The following ITGAV variants were observed in gnomAD, a reference collection of about 807,000 sequenced individuals.
ITGAV encodes the protein integrin alpha-V.
A neutral mutation model predicts 143.8 loss-of-function variants in ITGAV; 76 were observed. The observed-to-expected ratio is 0.53, with a 90% CI of 0.44 to 0.64. ITGAV has a LOEUF of 0.64. Among genes scored for constraint, ITGAV ranks in the 30% least tolerant of loss-of-function variants. The probability of loss-of-function intolerance (pLI) is 0.00; values close to 1 mark genes in which losing one functional copy is unlikely to be tolerated. For synonymous variants in ITGAV, 453 were observed against 446.7 expected (o/e 1.01, Z -0.18); for missense variants, 1,193 against 1,274.7 (o/e 0.94, Z 0.98).
chr2:186,639,852 A>AC (rs1034552236), intron 10 of ITGAV, among the ~76,000 whole-genome samples: 10 of 152,162 alleles, frequency 6.6e-5, no homozygotes, highest in African/African-American at 2.4e-4. Context: ...CAAGCCAAAC[A>AC]CCATAGGTGA....
Position 186,622,419 on chromosome 2 carries a change from G to T in ITGAV, c.397G>T (p.Asp133Tyr), listed in dbSNP as rs763354872. 1 of 1,611,512 alleles carries T rather than the reference G, an allele frequency of 6.2e-7. No homozygotes were observed. The highest frequency in any genetic ancestry group is 8.5e-7 in the Non-Finnish European group (1 of 1,177,688). Residue 133 changes from aspartate to tyrosine, a missense_variant, in exon 3 of 30, where the codon GAT (aspartate) becomes TAT (tyrosine). Coordinates refer to ENST00000261023, the MANE Select transcript of ITGAV (RefSeq NM_002210.5). ...TGGAGCATCTGTGAGGTCGAAACAG[G>T]ATAAAATTTTGGTGAGTCTTCTGGA... ...WFGASVRSKQ[D>Y]KILACAPLYH...
At chr2:186,637,592 C>T (rs1306176446) in intron 8 of ITGAV, among the ~76,000 whole-genome samples, 1 of 151,944 alleles carries the variant, frequency 6.6e-6, no homozygotes, top group Non-Finnish European at 1.5e-5. Context: ...GGTGAGAGTC[C>T]AGGCTAGGTC....
At chr2:186,611,978 A>G (rs1467175721) in intron 2 of ITGAV, among the ~76,000 whole-genome samples, 2 of 152,208 alleles carry the variant, frequency 1.3e-5, no homozygotes, top group African/African-American at 2.4e-5. Context: ...TTTTGCCATT[A>G]CTTTCAATGC....
intron 10 of ITGAV, 51 bp downstream of exon 10, chr2:186,638,516 C>G: frequency 1.4e-6 from 2 of 1,412,086 alleles, no homozygotes; most frequent in Non-Finnish European, 2.0e-6. Flanking sequence ...GCAGTATGTA[C>G]TCATTGGAGA....
chr2:186,590,591 C>T (rs1240604866), intron 1 of ITGAV, 68 bp downstream of exon 1: 4 of 1,418,434 alleles, frequency 2.8e-6, no homozygotes, highest in Non-Finnish European at 3.8e-6. Context: ...CAGCGTTTCT[C>T]CATTGGGATT....
chr2:186,604,572 C>G (rs972412043), intron 2 of ITGAV, among the ~76,000 whole-genome samples: 1 of 152,148 alleles, frequency 6.6e-6, no homozygotes, highest in Non-Finnish European at 1.5e-5. Flanking sequence ...GTATTGTATA[C>G]TTTCCCTCAC....
chr2:186,675,744 A>G, intron 27 of ITGAV, 27 bp downstream of exon 27: 1 of 1,566,248 alleles, frequency 6.4e-7, no homozygotes, highest in Non-Finnish European at 8.8e-7. Flanking sequence ...AGCATTTAGC[A>G]AACATACCCA....
chr2:186,617,107 AATAGG>A (rs1687387959), intron 2 of ITGAV, among the ~76,000 whole-genome samples: 1 of 152,066 alleles, frequency 6.6e-6, no homozygotes, highest in African/African-American at 2.4e-5. Context: ...CATAGTGATA[AATAGG>A]AACCAAGTGA....
intron 8 of ITGAV, 118 bp from the exon 9 acceptor site, chr2:186,638,159 G>T: frequency 1.2e-6 from 1 of 810,606 alleles, no homozygotes; most frequent in African/African-American, 1.7e-5. Flanking sequence ...TTTCTAAATT[G>T]ATTGTTTGTT....
intron 14 of ITGAV, among the ~76,000 whole-genome samples, chr2:186,651,410 A>G (rs1688425431): frequency 6.6e-6 from 1 of 152,192 alleles, no homozygotes; most frequent in Non-Finnish European, 1.5e-5. Context: ...TAATTGTATA[A>G]TGTACGTGGT....
chr2:186,631,319 C>T (rs1235606347), intron 5 of ITGAV, among the ~76,000 whole-genome samples: 2 of 152,140 alleles, frequency 1.3e-5, no homozygotes, highest in Non-Finnish European at 2.9e-5. Context: ...GTGAAGCTGA[C>T]TTCACTTATG....
chr2:186,611,251 A>G (rs775417728), intron 2 of ITGAV, among the ~76,000 whole-genome samples: 5 of 152,054 alleles, frequency 3.3e-5, no homozygotes, highest in Non-Finnish European at 5.9e-5. Flanking sequence ...TAATTTGATC[A>G]CTTCTGCAAA....
At chr2:186,625,716 A>C in intron 4 of ITGAV, 129 bp downstream of exon 4, 1 of 474,062 alleles carries the variant, frequency 2.1e-6, no homozygotes, top group Non-Finnish European at 3.7e-6. Flanking sequence ...ACATATTATG[A>C]TGATAACAAA....
intron 2 of ITGAV, among the ~76,000 whole-genome samples, chr2:186,620,472 A>G (rs1461500296): frequency 6.6e-6 from 1 of 152,180 alleles, no homozygotes; most frequent in African/African-American, 2.4e-5. Context: ...GCATAAAAAT[A>G]AGTATATCAG....
rs61764171 is a variant in ITGAV at position 186,675,918 on chromosome 2, C to T, written c.2919C>T (p.Asn973=). ...ATCTTCCAATTGAGGATATCACCAA[C>T]TCCACATTGGTAAGTCATTGGTTTA... ...YKNLPIEDIT[N]STLVTTNVTW... Residue 973 remains asparagine (N), a synonymous_variant, in exon 28 of 30, where the codon AAC becomes AAT. Coordinates refer to ENST00000261023, the MANE Select transcript of ITGAV (RefSeq NM_002210.5). 1,018 of 1,537,078 alleles carry T rather than the reference C, an allele frequency of 6.6e-4. 6 individuals are homozygous for T. The African/African-American group carries it at 0.012, about 18-fold the overall frequency.
At chr2:186,641,188 T>C (rs371916647) in intron 11 of ITGAV, among the ~76,000 whole-genome samples, 198 bp from the exon 12 acceptor site, 10 of 152,188 alleles carry the variant, frequency 6.6e-5, no homozygotes, top group African/African-American at 2.2e-4. Flanking sequence ...AATAAAGTAA[T>C]TTTATGAATT....
chr2:186,669,663 TATC>T (rs1438569358), intron 25 of ITGAV, 35 bp from the exon 26 acceptor site: 5 of 1,396,542 alleles, frequency 3.6e-6, no homozygotes, highest in African/African-American at 1.4e-5. Context: ...TGTTTTTCAT[TATC>T]ATTTACCACC....
intron 5 of ITGAV, among the ~76,000 whole-genome samples, chr2:186,631,980 T>A (rs1338129598): frequency 6.6e-6 from 1 of 152,354 alleles, no homozygotes; most frequent in Non-Finnish European, 1.5e-5. Context: ...TGAGCCATGT[T>A]CATGCCACTG....
chr2:186,669,842 A>T, intron 26 of ITGAV, 28 bp downstream of exon 26: 1 of 1,418,542 alleles, frequency 7.0e-7, no homozygotes, highest in Admixed American at 1.7e-5. Flanking sequence ...TATGTGCACC[A>T]TAGACATTTA....
Sources: allele counts gnomAD v4.1 joint callset (sites outside exome capture counted in the v4.1 genomes callset), GRCh38; gene constraint gnomAD v4.1.1; transcripts MANE v1.5; gene names NCBI Gene and HGNC (gene_info 2026-07-23, HGNC 2026-07-21).